MOK: variants seen among roughly 807,000 people sequenced by gnomAD.
The protein encoded by MOK is MOK protein kinase.
Under a neutral mutation model 54.2 loss-of-function variants are expected in MOK, and 59 were observed. That is an observed-to-expected ratio of 1.09 (90% CI 0.88 to 1.35). The LOEUF (loss-of-function observed/expected upper bound fraction) is 1.35, where lower values mean the gene tolerates loss of function less well. Ranked by LOEUF, MOK falls within the 40% of genes most tolerant of loss-of-function variation. The pLI is 0.00. For missense variants in MOK, 517 were observed against 526.2 expected, an observed-to-expected ratio of 0.98 and a Z score of 0.17; for synonymous variants, 210 against 202.7, an observed-to-expected ratio of 1.04 and a Z score of -0.31.
intron 4 of MOK, among the ~76,000 whole-genome samples, chr14:102,259,053 G>A: frequency 6.7e-6 from 1 of 148,396 alleles, no homozygotes. Context: ...GCAACAGAGT[G>A]AGACTCCATC....
chr14:102,231,314 G>A lies in MOK; in HGVS notation c.981+393C>T, dbSNP rs2064679638. ...CTGTCACTGGCTGGGTGGGTGACTT[G>A]GGCCAGCATTGCATCTTCTTGGCGC... On this transcript the variant is annotated intron_variant, in intron 10 of 11. Coordinates refer to ENST00000361847, the MANE Select transcript of MOK (RefSeq NM_014226.3). This position sits in a 1 kb window ranked among gnomAD's most constrained non-coding sequence, Gnocchi z 4.4. The A allele has an allele frequency of 6.2e-6, 1 of 162,346 alleles. No homozygotes were observed. The allele number at this position is 162,346 out of a possible 1,614,324, so 10.1% of individuals were successfully genotyped here. A position where few individuals can be genotyped will look rare whatever the true frequency, so the allele number is the denominator to read the frequency against.
intron 1 of MOK, among the ~76,000 whole-genome samples, chr14:102,289,381 T>C (rs1469526591): frequency 1.3e-5 from 2 of 152,190 alleles, no homozygotes; most frequent in Admixed American, 6.5e-5. Flanking sequence ...AATATGCACG[T>C]CTACAAATCC....
At chr14:102,303,403 A>G (rs1196868526) in intron 1 of MOK, among the ~76,000 whole-genome samples, 1 of 152,208 alleles carries the variant, frequency 6.6e-6, no homozygotes, top group Non-Finnish European at 1.5e-5. Context: ...GATTCTTTAA[A>G]AATGTCATTT....
chr14:102,270,946 C>T (rs1229408216), intron 2 of MOK, among the ~76,000 whole-genome samples: 1 of 152,182 alleles, frequency 6.6e-6, no homozygotes, highest in East Asian at 1.9e-4. Context: ...AATCCCAACA[C>T]TTTGGGAGGC....
intron 1 of MOK, among the ~76,000 whole-genome samples, chr14:102,304,460 C>A (rs1460555922): frequency 6.6e-6 from 1 of 152,076 alleles, no homozygotes; most frequent in Non-Finnish European, 1.5e-5. Flanking sequence ...TCCTATAAAA[C>A]ACTACTGCTT....
downstream of MOK, chr14:102,224,909 G>A (rs2064180690): frequency 7.3e-6 from 3 of 413,254 alleles, no homozygotes; most frequent in South Asian, 5.3e-5. Context: ...ATATTAGCAT[G>A]TTTTAGGTAC....
At position 102,232,529 on chromosome 14, in the gene MOK, G is replaced by A. The variant is rs370412053; in HGVS notation, c.866+6C>T. ...TCTGCCCCACCGAACCCACGAGAGTGCCTACCTCTGTTCTTGGAAGTAGGG... is the reference window on the plus strand; with the variant it reads ...TCTGCCCCACCGAACCCACGAGAGTACCTACCTCTGTTCTTGGAAGTAGGG... On this transcript the variant is annotated splice_donor_region_variant and intron_variant, in intron 9 of 11. Coordinates refer to ENST00000361847, the MANE Select transcript of MOK (RefSeq NM_014226.3). The surrounding 1 kb of genome is among the most constrained non-coding windows in gnomAD (Gnocchi z 5.1). 9.9e-6 allele frequency: 16 copies of A among 1,611,820 alleles called. No individual in the cohort carries two copies. Among genetic ancestry groups the A allele is most frequent in the Non-Finnish European group, 1.4e-5 (16 of 1,178,460 alleles).
chr14:102,253,093 G>A (rs1039294439), intron 4 of MOK, among the ~76,000 whole-genome samples: 1 of 152,170 alleles, frequency 6.6e-6, no homozygotes, highest in South Asian at 2.1e-4. Context: ...TGAAACAGGT[G>A]AAGCAGGTTT....
At chr14:102,218,884 C>T in the MOK span, among the ~76,000 whole-genome samples, 1 of 152,258 alleles carries the variant, frequency 6.6e-6, no homozygotes, top group Non-Finnish European at 1.5e-5. Context: ...CTCCCGCACG[C>T]TGCTGAGCAC....
At chr14:102,228,774 A>G (rs945686212), downstream of MOK, 3 of 153,356 alleles carry the variant, frequency 2.0e-5, no homozygotes, top group African/African-American at 4.8e-5. Flanking sequence ...TGCCCACAAA[A>G]GCTAAAATAA....
chr14:102,224,746 G>A (rs942783381), downstream of MOK: 10 of 456,056 alleles, frequency 2.2e-5, no homozygotes, highest in African/African-American at 1.4e-4. Context: ...ACTCGAAGGC[G>A]CCAGCAGGGA....
rs1043168577 is a variant in MOK, at chr14:102,263,982, G to A, written c.213-366C>T. 19 of 181,758 alleles carry A rather than the reference G, an allele frequency of 1.0e-4. No individual in the cohort carries two copies. In the East Asian group the frequency reaches 2.4e-3, roughly 23 times the overall value. 11.3% of individuals were successfully genotyped at this position (181,758 alleles called of 1,614,324 possible). The stretch of plus-strand genomic sequence containing the variant: ...TGTAATCCCAACACTTTGGGAGCCC[G>A]AGGTGGTCGATCACTTCAGGTTAGG... On this transcript the variant is annotated intron_variant, in intron 3 of 11. Transcript: ENST00000361847.
chr14:102,251,985 G>A lies in MOK; in HGVS notation c.294C>T (p.Tyr98=). ...NIYELIRGRR[Y]PLSEKKIMHY... is the part of the protein sequence containing the mutation. ...GCATAATTTTTTTTTCTGATAATGG[G>A]TATCTTCTCCCTGTACAATCAAGGA... The change falls in exon 5 of 12, where the codon TAC becomes TAT. Residue 98 remains tyrosine, a synonymous_variant. Coordinates refer to ENST00000361847, the MANE Select transcript of MOK (RefSeq NM_014226.3). 8 of 1,583,394 alleles carry A rather than the reference G, an allele frequency of 5.1e-6. No individual in the cohort carries two copies. The highest frequency in any genetic ancestry group is 2.2e-5 in the East Asian group (1 of 44,600).
chr14:102,282,040 C>G (rs1567221729), intron 2 of MOK, among the ~76,000 whole-genome samples: 1 of 152,176 alleles, frequency 6.6e-6, no homozygotes. Context: ...GTCAAATTAC[C>G]TCACATCTCT....
Position 102,231,650 on chromosome 14 carries a change from G to A in MOK, c.981+57C>T. The A allele has an allele frequency of 5.3e-6, 8 of 1,515,394 alleles. No homozygotes were observed. In the South Asian group the frequency reaches 5.7e-5, roughly 11 times the overall value. The allele number at this position is 1,515,394 out of a possible 1,614,324, so 93.9% of individuals were successfully genotyped here. ...CTCCTGAGAGAGACACAGGCCACCC[G>A]AGGGCATCCAGTCCCGGCTGAGCTA... On this transcript the variant is annotated intron_variant, in intron 10 of 11. Transcript: ENST00000361847. The surrounding 1 kb of genome is among the most constrained non-coding windows in gnomAD (Gnocchi z 4.4).
intron 7 of MOK, 108 bp from the exon 8 acceptor site, chr14:102,233,897 C>T (rs2064978424): frequency 1.3e-6 from 1 of 741,276 alleles, no homozygotes; most frequent in Non-Finnish European, 2.3e-6. Flanking sequence ...GAAGCATAAA[C>T]AAACTTTACC....
At chr14:102,221,452 A>G (rs1321251231), downstream of MOK, among the ~76,000 whole-genome samples, 1 of 152,112 alleles carries the variant, frequency 6.6e-6, no homozygotes, top group Non-Finnish European at 1.5e-5. This position sits in a 1 kb window ranked among gnomAD's most constrained non-coding sequence, Gnocchi z 4.8. Context: ...GGGGTCAGGA[A>G]CCTGCTGCCC....
At chr14:102,234,596 C>G (rs552369532) in intron 7 of MOK, among the ~76,000 whole-genome samples, 12 of 152,098 alleles carry the variant, frequency 7.9e-5, no homozygotes, top group South Asian at 2.1e-4. Context: ...TCCTCTACCC[C>G]CCTCCCTTCC....
At chr14:102,278,265 C>G (rs2069070729) in intron 2 of MOK, among the ~76,000 whole-genome samples, 1 of 151,756 alleles carries the variant, frequency 6.6e-6, no homozygotes, top group Non-Finnish European at 1.5e-5. Context: ...AGGAAGGACA[C>G]TGGGTGGAGG....
Sources: allele counts gnomAD v4.1 joint callset (sites outside exome capture counted in the v4.1 genomes callset), GRCh38; gene constraint gnomAD v4.1.1; non-coding constraint Gnocchi (gnomAD v3.1); transcripts MANE v1.5; gene names NCBI Gene and HGNC (gene_info 2026-07-23, HGNC 2026-07-21).